Variants in FRMPD4 observed in about 807,000 individuals in gnomAD.
FRMPD4 encodes the protein FERM and PDZ domain-containing protein 4.
Under a neutral mutation model 94.1 loss-of-function variants are expected in FRMPD4, and 22 were observed. That is an observed-to-expected ratio of 0.23 (90% CI 0.17 to 0.33). FRMPD4 has a LOEUF of 0.33. Among genes scored for constraint, FRMPD4 ranks in the 10% least tolerant of loss-of-function variants. The pLI, the probability that FRMPD4 is intolerant of heterozygous loss-of-function variation, is 1.00. For synonymous variants in FRMPD4, 631 were observed against 548.6 expected, an observed-to-expected ratio of 1.15 and a Z score of -2.10; for missense variants, 1,111 against 1,339.9, an observed-to-expected ratio of 0.83 and a Z score of 2.67.
chrX:12,406,380 G>T (rs1420399317), intron 1 of FRMPD4, among the ~76,000 whole-genome samples: 1 of 111,898 alleles, frequency 8.9e-6, no homozygotes, highest in Non-Finnish European at 1.9e-5. Flanking sequence ...CAAGTAGAGG[G>T]TGGTGGCATT....
At chrX:12,295,398 A>G (rs745323414) in intron 1 of FRMPD4, among the ~76,000 whole-genome samples, 25 of 112,425 alleles carry the variant, frequency 2.2e-4, no homozygotes, top group African/African-American at 8.1e-4. Context: ...AAGTGTATGC[A>G]TGGACTCTGC....
chrX:12,465,233 G>T (rs1354323891), intron 1 of FRMPD4, among the ~76,000 whole-genome samples: 1 of 111,782 alleles, frequency 8.9e-6, no homozygotes, highest in African/African-American at 3.2e-5. Flanking sequence ...CACTATTTCT[G>T]GTTGATGAGC....
At chrX:12,692,649 G>A (rs1401205267) in intron 8 of FRMPD4, among the ~76,000 whole-genome samples, 1 of 112,112 alleles carries the variant, frequency 8.9e-6, no homozygotes, top group Non-Finnish European at 1.9e-5. Context: ...CTAATGGCTT[G>A]AGGCAACCTT....
At chrX:12,048,273 A>G (rs910086484) in intron 3 of FRMPD4, among the ~76,000 whole-genome samples, 2 of 111,260 alleles carry the variant, frequency 1.8e-5, no homozygotes, top group Non-Finnish European at 1.9e-5. Context: ...TCATTTTTTC[A>G]TATATTTGTT....
intron 2 of FRMPD4, among the ~76,000 whole-genome samples, chrX:12,590,646 T>C (rs1212720918): frequency 8.9e-6 from 1 of 112,301 alleles, no homozygotes; most frequent in Admixed American, 9.5e-5. Context: ...GAAGTATTCT[T>C]TGCACACAAT....
At chrX:11,910,308 G>A (rs2053989799) in intron 3 of FRMPD4, among the ~76,000 whole-genome samples, 1 of 111,836 alleles carries the variant, frequency 8.9e-6, no homozygotes. Flanking sequence ...TTAAGAAGAG[G>A]CATTATAAAA....
intron 2 of FRMPD4, among the ~76,000 whole-genome samples, chrX:12,545,403 C>T (rs1199030201): frequency 2.7e-5 from 3 of 112,204 alleles, no homozygotes; most frequent in Admixed American, 9.4e-5. Context: ...CAAACTCAGC[C>T]GCTTGCTCTG....
intron 3 of FRMPD4, among the ~76,000 whole-genome samples, chrX:12,059,248 T>C (rs941200714): frequency 8.0e-5 from 9 of 111,818 alleles, no homozygotes; most frequent in African/African-American, 2.6e-4. Flanking sequence ...CTAATAATGG[T>C]GTGTTGAAAT....
chrX:12,711,917 TCA>T (rs1569069609), intron 14 of FRMPD4, among the ~76,000 whole-genome samples: 1 of 110,899 alleles, frequency 9.0e-6, no homozygotes, highest in Non-Finnish European at 1.9e-5. Context: ...GCATACAGAC[TCA>T]CACACAGTTT....
intron 1 of FRMPD4, among the ~76,000 whole-genome samples, chrX:12,386,032 C>T (rs886523959): frequency 2.7e-5 from 3 of 112,499 alleles, no homozygotes. Flanking sequence ...TTACCCATCT[C>T]TTGCTTCTCT....
chrX:12,652,293 A>C (rs1032844244), intron 4 of FRMPD4, among the ~76,000 whole-genome samples: 6 of 112,590 alleles, frequency 5.3e-5, no homozygotes, highest in Non-Finnish European at 1.1e-4. Context: ...TGTATCAGTC[A>C]GCTGTTGCTT....
chrX:12,211,889 A>G (rs2056758841), intron 1 of FRMPD4, among the ~76,000 whole-genome samples: 1 of 112,341 alleles, frequency 8.9e-6, no homozygotes. Context: ...TCAGCTTAAA[A>G]TGGCAAAACT....
At chrX:12,660,893 A>G (rs2059706804) in intron 4 of FRMPD4, among the ~76,000 whole-genome samples, 1 of 111,694 alleles carries the variant, frequency 9.0e-6, no homozygotes, top group Non-Finnish European at 1.9e-5. Flanking sequence ...TGTTGCCTGG[A>G]CTTGGACAGC....
Position 12,559,653 on chromosome X carries a change from G to GAA in FRMPD4, c.159-50058_159-50057dup, listed in dbSNP as rs3066467. 4.9e-3 allele frequency among the ~76,000 whole-genome samples: 466 copies of GAA among 95,357 alleles called. 6 individuals carry two copies. Among genetic ancestry groups the GAA allele is most frequent in the African/African-American group, 0.016 (410 of 25,994 alleles). The allele number at this position is 95,357 out of a possible 115,157, so 82.8% of individuals were successfully genotyped here. On this transcript the variant is annotated intron_variant, in intron 2 of 16. Transcript: ENST00000675598. ...TGATAGAGTGAGACTCCGTCTCAAG[G>GAA]AAAAAAAAAAACAAAAAAAACTCTT...
chrX:12,339,102 G>A (rs753131824), intron 1 of FRMPD4, among the ~76,000 whole-genome samples: 9 of 112,050 alleles, frequency 8.0e-5, no homozygotes, highest in Non-Finnish European at 1.3e-4. Context: ...AATCCAGGCC[G>A]AACATCCATC....
In FRMPD4 at chrX:12,334,774, G is replaced by A. The variant is rs1007719444; in HGVS notation, c.42-163906G>A. On this transcript the variant is annotated intron_variant, in intron 1 of 16. Transcript: ENST00000675598. ...TACTGTGAGAATGGATGAGACATAG[G>A]ACCTGCCCCAAGGAGCTCACAGGCT... 2.7e-5 allele frequency among the ~76,000 whole-genome samples: 3 copies of A among 111,277 alleles called. No homozygotes were observed. The Admixed American group carries it at 2.9e-4, about 11-fold the overall frequency.
intron 3 of FRMPD4, among the ~76,000 whole-genome samples, chrX:11,930,389 G>A (rs959510694): frequency 9.0e-6 from 1 of 111,046 alleles, no homozygotes. Flanking sequence ...GTGTTGTCTT[G>A]AATTGAGTGG....
At chrX:12,509,133 G>A (rs754682337) in intron 2 of FRMPD4, among the ~76,000 whole-genome samples, 40 of 111,030 alleles carry the variant, frequency 3.6e-4, no homozygotes, top group African/African-American at 1.3e-3. Context: ...CTACACTGCT[G>A]GTGGGAATAT....
intron 3 of FRMPD4, among the ~76,000 whole-genome samples, chrX:12,085,674 C>T (rs1402630482): frequency 3.6e-5 from 4 of 111,806 alleles, no homozygotes; most frequent in Non-Finnish European, 7.5e-5. Context: ...GAGCTCAAGA[C>T]CAGCCTGGGC....
Sources: allele counts gnomAD v4.1 joint callset (sites outside exome capture counted in the v4.1 genomes callset), GRCh38; gene constraint gnomAD v4.1.1; transcripts MANE v1.5; gene names NCBI Gene and HGNC (gene_info 2026-07-23, HGNC 2026-07-21).